Variants in AGT observed in about 807,000 individuals in gnomAD.
AGT encodes the protein angiotensinogen.
AGT carries 26 observed loss-of-function variants against 28.1 expected under a neutral mutation model. The observed-to-expected ratio is 0.92, with a 90% CI of 0.68 to 1.28. The LOEUF (loss-of-function observed/expected upper bound fraction) is 1.28, where lower values mean the gene tolerates loss of function less well. AGT is among the 50% of genes most tolerant of loss of function. The pLI is 0.00. For missense variants in AGT, 596 were observed against 592.3 expected (o/e 1.01, Z -0.06); for synonymous variants, 259 against 259.6 (o/e 1.00, Z 0.02).
In AGT at chr1:230,726,569, T is replaced by C. The variant is rs149847744; in HGVS notation, c.-30-15716A>G. Among the ~76,000 whole-genome samples, 671 of 152,306 alleles carry C rather than the reference T, an allele frequency of 4.4e-3. 1 individual carries two copies. Among genetic ancestry groups the C allele is most frequent in the South Asian group, 0.012 (59 of 4,820 alleles). The stretch of plus-strand genomic sequence containing the variant: ...AGGTGGGAGAGGGCTCTATTTGGCT[T>C]GCATTTACTATGTTTAAAAAAAAAC... On this transcript the variant is annotated intron_variant, in intron 1 of 4. Transcript: ENST00000681269.
intron 1 of AGT, among the ~76,000 whole-genome samples, chr1:230,711,819 A>T (rs1473599048): frequency 9.2e-5 from 3 of 32,662 alleles, no homozygotes; most frequent in East Asian, 8.1e-3. Flanking sequence ...CCACGTATAA[A>T]AAAAAAAAAA....
intron 2 of AGT, among the ~76,000 whole-genome samples, chr1:230,706,938 G>C (rs1214504045): frequency 6.6e-6 from 1 of 152,218 alleles, no homozygotes; most frequent in East Asian, 1.9e-4. Context: ...CCCACCAGCT[G>C]TCCTGTGGCC....
intron 1 of AGT, among the ~76,000 whole-genome samples, chr1:230,739,380 A>G (rs578084508): frequency 7.9e-5 from 12 of 151,010 alleles, no homozygotes; most frequent in Non-Finnish European, 1.6e-4. Context: ...AATTTCCACT[A>G]TGGGGCGGGG....
At chr1:230,733,885 G>A (rs912065909) in intron 1 of AGT, among the ~76,000 whole-genome samples, 3 of 152,024 alleles carry the variant, frequency 2.0e-5, no homozygotes, top group African/African-American at 7.2e-5. Context: ...ACCATTTCAT[G>A]TTCTTGTTCT....
intron 1 of AGT, among the ~76,000 whole-genome samples, chr1:230,730,829 A>G (rs1166789919): frequency 6.6e-6 from 1 of 152,170 alleles, no homozygotes; most frequent in Non-Finnish European, 1.5e-5. Context: ...TATCTGAGGG[A>G]TGTGAGCCTT....
At chr1:230,705,830 T>G in intron 3 of AGT, 103 bp downstream of exon 3, 1 of 1,496,052 alleles carries the variant, frequency 6.7e-7, no homozygotes, top group Non-Finnish European at 9.3e-7. Flanking sequence ...TGCCCTGCTC[T>G]GCACCCAAGG....
intron 1 of AGT, among the ~76,000 whole-genome samples, chr1:230,723,477 G>A (rs1192846312): frequency 6.6e-6 from 1 of 152,074 alleles, no homozygotes; most frequent in Non-Finnish European, 1.5e-5. Context: ...TTTGTAATAG[G>A]CTTTGCTTTT....
chr1:230,730,138 C>T (rs544953270), intron 1 of AGT, among the ~76,000 whole-genome samples: 1 of 152,126 alleles, frequency 6.6e-6, no homozygotes, highest in African/African-American at 2.4e-5. Flanking sequence ...CCAGGCTGTT[C>T]TCAAACTCCT....
intron 1 of AGT, among the ~76,000 whole-genome samples, chr1:230,727,748 T>C (rs915350567): frequency 1.3e-5 from 2 of 152,164 alleles, no homozygotes; most frequent in African/African-American, 4.8e-5. Context: ...ACCTACCCTA[T>C]ATAAGGTACT....
intron 2 of AGT, among the ~76,000 whole-genome samples, chr1:230,709,371 C>A (rs1663502617): frequency 6.6e-6 from 1 of 151,406 alleles, no homozygotes; most frequent in Non-Finnish European, 1.5e-5. Context: ...GAGTTCAAGG[C>A]TACAGTGAGC....
intron 1 of AGT, among the ~76,000 whole-genome samples, chr1:230,724,581 T>C (rs529155568): frequency 5.3e-4 from 78 of 146,096 alleles, no homozygotes; most frequent in Admixed American, 1.3e-3. Context: ...ACCAGCACTT[T>C]GGGAGGCTGA....
At chr1:230,710,882 G>T (rs747737006) in intron 1 of AGT, 29 bp from the exon 2 acceptor site, 5 of 1,606,150 alleles carry the variant, frequency 3.1e-6, no homozygotes, top group South Asian at 1.1e-5. Context: ...AAGGGTGAAA[G>T]GTGGTTATTA....
intron 1 of AGT, 129 bp from the exon 2 acceptor site, chr1:230,710,982 CA>C (rs143678884): frequency 7.0e-5 from 85 of 1,220,828 alleles, no homozygotes; most frequent in Admixed American, 2.4e-4. Context: ...TTCATGTCTA[CA>C]AAAAAAAGAA....
At chr1:230,721,995 A>G (rs759430744) in intron 1 of AGT, among the ~76,000 whole-genome samples, 4 of 151,862 alleles carry the variant, frequency 2.6e-5, no homozygotes, top group Non-Finnish European at 5.9e-5. Context: ...AGGGCATGTC[A>G]GAGACCTTCA....
chr1:230,710,777 A>G lies in AGT; in HGVS notation c.47T>C (p.Leu16Pro). The G allele has an allele frequency of 6.2e-7, 1 of 1,614,204 alleles. No homozygotes were observed. The highest frequency in any genetic ancestry group is 8.5e-7 in the Non-Finnish European group (1 of 1,180,024). ...ACCTGCAGCCAGGCCAGCCCAGGCC[A>G]GGAGGCAGAGGATGGTGGCCCTCAG... ...VSLRATILCL[L>P]AWAGLAAGDR... The change falls in exon 2 of 5, where the codon CTG becomes CCG. Residue 16 changes from leucine to proline, a missense_variant. Leu to Pro is a moderately conservative substitution (Grantham distance 98). Coordinates refer to ENST00000366667, the MANE Select transcript of AGT (RefSeq NM_001384479.1).
chr1:230,740,177 G>T lies in AGT; in HGVS notation c.-31+5338C>A, dbSNP rs567422869. Among the ~76,000 whole-genome samples the T allele has an allele frequency of 2.6e-5, 4 of 152,318 alleles. No individual in the cohort carries two copies. In the East Asian group the frequency reaches 7.7e-4, roughly 29 times the overall value. On this transcript the variant is annotated intron_variant, in intron 1 of 4. Coordinates refer to the AGT transcript ENST00000681269. The stretch of plus-strand genomic sequence containing the variant: ...TTGTAAACTGTCATGATGCAGGTGG[G>T]AGTGTCTTTTAGTATGCTAATGTAT...
Position 230,704,318 on chromosome 1 carries a change from G to T in AGT, c.1117C>A (p.Pro373Thr). 1 of 1,614,212 alleles carries T rather than the reference G, an allele frequency of 6.2e-7. No individual in the cohort carries two copies. The change falls in exon 4 of 5, where the codon CCC (proline) becomes ACC (threonine). Residue 373 changes from proline to threonine, a missense_variant. Coordinates refer to ENST00000366667, the MANE Select transcript of AGT (RefSeq NM_001384479.1). ...LSPRTIHLTM[P>T]QLVLQGSYDL... Reference sequence around the variant, plus strand: ...TAAGATCCTTGCAGCACCAGTTGGGGCATGGTCAGGTGGATGGTCCTGGGG... The same window carrying T: ...TAAGATCCTTGCAGCACCAGTTGGGTCATGGTCAGGTGGATGGTCCTGGGG...
At chr1:230,704,043 G>A in intron 4 of AGT, 150 bp downstream of exon 4, 1 of 1,189,500 alleles carries the variant, frequency 8.4e-7, no homozygotes, top group South Asian at 1.3e-5. Context: ...GAATGCTCTG[G>A]CTACTTCTCT....
chr1:230,706,039 C>T lies in AGT; in HGVS notation c.991G>A (p.Ala331Thr), dbSNP rs143215026. 14 of 1,614,062 alleles carry T rather than the reference C, an allele frequency of 8.7e-6. No homozygotes were observed. The highest frequency in any genetic ancestry group is 4.5e-5 in the East Asian group (2 of 44,882). Residue 331 changes from alanine (A) to threonine (T), a missense_variant, in exon 3 of 5, where the codon GCC becomes ACC. Ala to Thr is a moderately conservative substitution (Grantham distance 58). Transcript: ENST00000366667. ...SVTQVPFTES[A>T]CLLLIQPHYA... ...TGAGGCTGGATCAGCAGCAGGCAGG[C>T]GCTCTCAGTGAAGGGCACTTGAGTC...
Sources: gnomAD v4.1 joint callset for allele counts (sites outside exome capture counted in the v4.1 genomes callset) on GRCh38, gnomAD v4.1.1 for gene constraint, MANE v1.5 for transcripts, NCBI Gene and HGNC (gene_info 2026-07-23, HGNC 2026-07-21) for gene names.